The following SSBP2 variants were observed in gnomAD, a reference collection of about 807,000 sequenced individuals.
SSBP2 encodes single-stranded DNA-binding protein 2.
In SSBP2, 17 loss-of-function variants were observed where a neutral mutation model predicts 61.8. The ratio of observed to expected loss-of-function variants is 0.28; its 90% CI spans 0.19 to 0.41. The LOEUF (loss-of-function observed/expected upper bound fraction) is 0.41, where lower values mean the gene tolerates loss of function less well. Among genes scored for constraint, SSBP2 ranks in the 10% least tolerant of loss-of-function variants. The pLI, the probability that SSBP2 is intolerant of heterozygous loss-of-function variation, is 1.00. For missense variants in SSBP2, 310 were observed against 458.7 expected, an observed-to-expected ratio of 0.68 and a Z score of 2.96; for synonymous variants, 139 against 141.3, an observed-to-expected ratio of 0.98 and a Z score of 0.12.
At chr5:81,461,030 A>T (rs543679053) in intron 10 of SSBP2, 25 bp downstream of exon 10, 56 of 1,194,688 alleles carry the variant, frequency 4.7e-5, no homozygotes, top group Admixed American at 2.0e-4. Flanking sequence ...GCAAAATATT[A>T]AAAAAAATAT....
At chr5:81,751,154 C>T, upstream of SSBP2, 1 of 1,132,142 alleles carries the variant, frequency 8.8e-7, no homozygotes, top group Non-Finnish European at 1.3e-6. Context: ...CTATTGGCCG[C>T]CCCACGCCAA....
chr5:81,439,890 C>T (rs988844125), intron 14 of SSBP2, among the ~76,000 whole-genome samples: 4 of 151,902 alleles, frequency 2.6e-5, no homozygotes, highest in Non-Finnish European at 5.9e-5. Flanking sequence ...CCAGGATGGT[C>T]TCAATCTCCT....
rs1362060702 is a variant in SSBP2, at chr5:81,415,729, G to T, written c.*4775C>A. 1 of 151,210 alleles carries T rather than the reference G, an allele frequency of 6.6e-6. No homozygotes were observed. 9.4% of individuals were successfully genotyped at this position (151,210 alleles called of 1,614,324 possible). ...AGATCGAGACCATCCTGGCTAACAC[G>T]GTGAAACCCGGTCTCTACTAAAAAT... On this transcript the variant is annotated 3_prime_UTR_variant, in exon 17 of 17. Coordinates refer to ENST00000320672, the MANE Select transcript of SSBP2 (RefSeq NM_012446.5).
intron 5 of SSBP2, among the ~76,000 whole-genome samples, chr5:81,499,355 T>C (rs556637913): frequency 2.6e-5 from 4 of 152,306 alleles, no homozygotes; most frequent in South Asian, 2.1e-4. Flanking sequence ...AGCATCAATA[T>C]TGGCCGCTGA....
chr5:81,538,229 A>T (rs375770512), intron 4 of SSBP2, among the ~76,000 whole-genome samples: 1 of 152,202 alleles, frequency 6.6e-6, no homozygotes, highest in African/African-American at 2.4e-5. Context: ...ATACAGAGAA[A>T]GATTTAGTGA....
intron 14 of SSBP2, chr5:81,437,849 A>T (rs948365577): frequency 3.9e-5 from 6 of 152,678 alleles, no homozygotes; most frequent in African/African-American, 1.4e-4. Context: ...AAATCTGATA[A>T]AATATAAAAT....
rs527334637 is a variant in SSBP2 at position 81,642,981 on chromosome 5, T to A, written c.136-6363A>T. 5.9e-5 allele frequency among the ~76,000 whole-genome samples: 9 copies of A among 152,334 alleles called. No homozygotes were observed. In the South Asian group the frequency reaches 1.9e-3, roughly 32 times the overall value. On this transcript the variant is annotated intron_variant, in intron 2 of 16. Transcript: ENST00000320672. Reference sequence around the variant, plus strand: ...AGGTATACTGGTCATTTACCTATTATCTCTCAGCCCTACACCCACCCTTCT... The same window carrying A: ...AGGTATACTGGTCATTTACCTATTAACTCTCAGCCCTACACCCACCCTTCT...
intron 1 of SSBP2, among the ~76,000 whole-genome samples, chr5:81,665,674 T>TTAG (rs1307121742): frequency 6.6e-6 from 1 of 151,858 alleles, no homozygotes; most frequent in East Asian, 1.9e-4. Flanking sequence ...TTTATTATTA[T>TTAG]TAGTAGTAGT....
intron 8 of SSBP2, among the ~76,000 whole-genome samples, chr5:81,471,031 A>G (rs1357625645): frequency 2.0e-5 from 3 of 151,830 alleles, no homozygotes; most frequent in Non-Finnish European, 4.4e-5. Context: ...TGTATAAATA[A>G]TTTCCTTTAA....
chr5:81,655,845 G>A (rs1561659742), intron 1 of SSBP2, among the ~76,000 whole-genome samples: 1 of 152,060 alleles, frequency 6.6e-6, no homozygotes, highest in Admixed American at 6.6e-5. Context: ...GAATTGTATC[G>A]GTCTCCAGTT....
At chr5:81,594,130 T>C (rs1467349017) in intron 4 of SSBP2, among the ~76,000 whole-genome samples, 1 of 151,726 alleles carries the variant, frequency 6.6e-6, no homozygotes, top group African/African-American at 2.4e-5. Context: ...TGGCTCAAAA[T>C]AAAGGGATAG....
chr5:81,446,655 T>G (rs1763419269), intron 12 of SSBP2, among the ~76,000 whole-genome samples: 1 of 152,228 alleles, frequency 6.6e-6, no homozygotes, highest in African/African-American at 2.4e-5. Context: ...TTCATCCTAA[T>G]TAAATCTGAC....
chr5:81,612,226 T>C (rs1007895296), intron 4 of SSBP2, among the ~76,000 whole-genome samples: 6 of 152,292 alleles, frequency 3.9e-5, no homozygotes, highest in Middle Eastern at 3.4e-3. Flanking sequence ...ATTCAGTTTA[T>C]GGATGTCTCT....
At chr5:81,439,617 T>C (rs1028593760) in intron 14 of SSBP2, among the ~76,000 whole-genome samples, 2 of 151,366 alleles carry the variant, frequency 1.3e-5, no homozygotes, top group Non-Finnish European at 2.9e-5. Context: ...TTCTCTGCCT[T>C]AGCCTTTTGA....
chr5:81,728,589 C>T (rs1232604752), intron 1 of SSBP2, among the ~76,000 whole-genome samples: 1 of 152,206 alleles, frequency 6.6e-6, no homozygotes, highest in South Asian at 2.1e-4. Flanking sequence ...TAATGCCTGA[C>T]ATGCTTACCA....
At chr5:81,555,176 C>T (rs1439967911) in intron 4 of SSBP2, among the ~76,000 whole-genome samples, 1 of 151,938 alleles carries the variant, frequency 6.6e-6, no homozygotes, top group African/African-American at 2.4e-5. Context: ...AAAGTACAGA[C>T]TTTATTTATA....
chr5:81,684,103 T>A (rs1752596065), intron 1 of SSBP2, among the ~76,000 whole-genome samples: 1 of 152,182 alleles, frequency 6.6e-6, no homozygotes, highest in Non-Finnish European at 1.5e-5. Context: ...TCCTTAATAC[T>A]TACTCAAAAA....
intron 1 of SSBP2, among the ~76,000 whole-genome samples, chr5:81,678,623 A>G (rs1331482228): frequency 2.0e-5 from 3 of 152,172 alleles, no homozygotes; most frequent in African/African-American, 4.8e-5. Context: ...TAGGCATATC[A>G]TATTCAAACT....
At chr5:81,575,976 C>T (rs1229021465) in intron 4 of SSBP2, among the ~76,000 whole-genome samples, 2 of 152,146 alleles carry the variant, frequency 1.3e-5, no homozygotes, top group Non-Finnish European at 2.9e-5. Flanking sequence ...AATGCACTTA[C>T]CACATACCTT....
Sources: gnomAD v4.1 joint callset for allele counts (sites outside exome capture counted in the v4.1 genomes callset) on GRCh38, gnomAD v4.1.1 for gene constraint, MANE v1.5 for transcripts, NCBI Gene and HGNC (gene_info 2026-07-23, HGNC 2026-07-21) for gene names.